The following NXN variants were observed in gnomAD, a reference collection of about 807,000 sequenced individuals.
The protein encoded by NXN is nucleoredoxin.
In NXN, 16 loss-of-function variants were observed where a neutral mutation model predicts 48.6. The observed-to-expected ratio is 0.33, with a 90% confidence interval of 0.22 to 0.50. The LOEUF (loss-of-function observed/expected upper bound fraction) is 0.50, where lower values mean the gene tolerates loss of function less well. Ranked by LOEUF, NXN falls within the 20% of genes least tolerant of loss-of-function variation. The pLI is 0.98. For missense variants in NXN, 492 were observed against 605.5 expected (o/e 0.81, Z 1.97); for synonymous variants, 281 against 269.6 (o/e 1.04, Z -0.41).
At chr17:897,634 G>A (rs1307514524) in intron 1 of NXN, among the ~76,000 whole-genome samples, 1 of 152,126 alleles carries the variant, frequency 6.6e-6, no homozygotes, top group African/African-American at 2.4e-5. Flanking sequence ...TCAGTGTGCT[G>A]TCAACTCTGT....
At chr17:895,668 A>T (rs1335573419) in intron 1 of NXN, among the ~76,000 whole-genome samples, 1 of 130,922 alleles carries the variant, frequency 7.6e-6, no homozygotes, top group Non-Finnish European at 1.6e-5. Context: ...AAAAAAAAAA[A>T]TTAGCCAGGC....
At chr17:850,804 G>C (rs2067915602) in intron 1 of NXN, among the ~76,000 whole-genome samples, 1 of 152,092 alleles carries the variant, frequency 6.6e-6, no homozygotes, top group Non-Finnish European at 1.5e-5. Flanking sequence ...GTTTTCAAAG[G>C]CAGTTCAATG....
rs192678224 is a variant in NXN, at chr17:974,366, T to G, written c.360+4953A>C. ...ACTCCATCTCAAAAAAGTATATAGA[T>G]ATATATATATAGATATATGGATATA... is the stretch of plus-strand genomic sequence containing the variant. On this transcript the variant is annotated intron_variant, in intron 1 of 7. Transcript: ENST00000336868. 6.7e-3 allele frequency among the ~76,000 whole-genome samples: 1,020 copies of G among 151,516 alleles called. 13 individuals carry two copies. Among genetic ancestry groups the G allele is most frequent in the African/African-American group, 0.023 (969 of 41,298 alleles).
intron 7 of NXN, among the ~76,000 whole-genome samples, chr17:801,930 T>C (rs1911235530): frequency 6.6e-6 from 1 of 152,170 alleles, no homozygotes; most frequent in Non-Finnish European, 1.5e-5. Flanking sequence ...AGCCAGCCAG[T>C]TCAGAAGACA....
At chr17:953,339 C>G (rs1314254196) in intron 1 of NXN, among the ~76,000 whole-genome samples, 1 of 152,030 alleles carries the variant, frequency 6.6e-6, no homozygotes, top group Non-Finnish European at 1.5e-5. Context: ...CGCTTGAACC[C>G]AGGAGGCGGA....
At chr17:864,075 A>G (rs12952871) in intron 1 of NXN, 14,898 of 1,250,722 alleles carry the variant, frequency 0.012, 121 homozygotes, top group East Asian at 0.055. Flanking sequence ...GAAGGGGCAC[A>G]GTTACCGTTG....
intron 1 of NXN, among the ~76,000 whole-genome samples, chr17:921,441 C>T (rs1738811330): frequency 6.6e-6 from 1 of 152,162 alleles, no homozygotes; most frequent in African/African-American, 2.4e-5. Context: ...TCCATCTTTT[C>T]CTCGAAACGC....
At chr17:954,183 G>C (rs182253768) in intron 1 of NXN, among the ~76,000 whole-genome samples, 1 of 152,232 alleles carries the variant, frequency 6.6e-6, no homozygotes, top group East Asian at 1.9e-4. Context: ...TTCGAGACCA[G>C]CCTGGCCAAC....
At chr17:817,045 C>T (rs73285795) in intron 5 of NXN, among the ~76,000 whole-genome samples, 3,974 of 152,184 alleles carry the variant, frequency 0.026, 153 homozygotes, top group African/African-American at 0.086. Flanking sequence ...GGAAAGCAAA[C>T]GCTTTCATTT....
chr17:894,930 GA>G (rs1218493114), intron 1 of NXN, among the ~76,000 whole-genome samples: 1 of 148,788 alleles, frequency 6.7e-6, no homozygotes, highest in Non-Finnish European at 1.5e-5. Flanking sequence ...CCGCCTTCAT[GA>G]TTCCCTGAAA....
intron 1 of NXN, among the ~76,000 whole-genome samples, chr17:954,691 C>T (rs78642086): frequency 0.068 from 10,350 of 152,244 alleles, 490 homozygotes; most frequent in East Asian, 0.25. Context: ...GCTAACTGCC[C>T]GGACGGGCCC....
At chr17:841,095 G>A (rs1165162060) in intron 1 of NXN, among the ~76,000 whole-genome samples, 1 of 152,240 alleles carries the variant, frequency 6.6e-6, no homozygotes, top group African/African-American at 2.4e-5. Flanking sequence ...TTCAGCTGCA[G>A]AATGGTCTGG....
intron 1 of NXN, chr17:909,573 C>G (rs2068615207): frequency 7.4e-6 from 1 of 135,472 alleles, no homozygotes; most frequent in Non-Finnish European, 1.5e-5. Flanking sequence ...GAGTCTTGCT[C>G]TGTCCCCCAG....
In NXN at chr17:881,415, C is replaced by T. The variant is rs543566158; in HGVS notation, c.361-55337G>A. On this transcript the variant is annotated intron_variant, in intron 1 of 7. Coordinates refer to ENST00000336868, the MANE Select transcript of NXN (RefSeq NM_022463.5). ...CACACTCGAAAATTTTCCATTGAGA[C>T]GGGGTTTCGCCATGTTGCTCAGGCT... 2.6e-5 allele frequency among the ~76,000 whole-genome samples: 4 copies of T among 152,264 alleles called. No individual in the cohort carries two copies. The South Asian group carries it at 6.2e-4, about 24-fold the overall frequency.
intron 1 of NXN, among the ~76,000 whole-genome samples, chr17:886,507 T>G (rs953075491): frequency 6.6e-6 from 1 of 152,184 alleles, no homozygotes; most frequent in African/African-American, 2.4e-5. Flanking sequence ...GCCGGCGCGG[T>G]GGCTCACGCC....
intron 1 of NXN, chr17:878,417 G>A (rs1286367078): frequency 7.5e-6 from 1 of 132,714 alleles, no homozygotes; most frequent in Admixed American, 7.5e-5. Flanking sequence ...TTGGGGGTGG[G>A]GGAGGGGGTG....
chr17:943,138 C>T (rs530869014), intron 1 of NXN, among the ~76,000 whole-genome samples: 2 of 152,178 alleles, frequency 1.3e-5, no homozygotes, highest in Non-Finnish European at 2.9e-5. Context: ...TTAAAATAAC[C>T]GTCGGTTTCT....
chr17:854,320 C>T (rs1006939957), intron 1 of NXN, among the ~76,000 whole-genome samples: 4 of 152,108 alleles, frequency 2.6e-5, no homozygotes, highest in Admixed American at 6.6e-5. Flanking sequence ...AGATATAGAA[C>T]GATCCCACCT....
chr17:867,063 G>A (rs1461993994), intron 1 of NXN, among the ~76,000 whole-genome samples: 109 of 111,620 alleles, frequency 9.8e-4, no homozygotes, highest in African/African-American at 3.4e-3. Flanking sequence ...GCAAGTTCTC[G>A]GGGTTCTCCG....
Sources: allele counts gnomAD v4.1 joint callset (sites outside exome capture counted in the v4.1 genomes callset), GRCh38; gene constraint gnomAD v4.1.1; transcripts MANE v1.5; gene names NCBI Gene and HGNC (gene_info 2026-07-23, HGNC 2026-07-21).